WWP1: variants seen among roughly 807,000 people sequenced by gnomAD.
WWP1 encodes the protein WW domain containing E3 ubiquitin protein ligase 1, also known as NEDD4-like E3 ubiquitin-protein ligase WWP1.
Under a neutral mutation model 130.6 loss-of-function variants are expected in WWP1, and 49 were observed. The ratio of observed to expected loss-of-function variants is 0.38; its 90% CI spans 0.30 to 0.48. WWP1 has a LOEUF of 0.48. Among genes scored for constraint, WWP1 ranks in the 20% least tolerant of loss-of-function variants. The probability of loss-of-function intolerance (pLI) is 0.99; values close to 1 mark genes in which losing one functional copy is unlikely to be tolerated. For missense variants in WWP1, 809 were observed against 1,100.6 expected, an observed-to-expected ratio of 0.74 and a Z score of 3.75; for synonymous variants, 332 against 367.8, an observed-to-expected ratio of 0.90 and a Z score of 1.11.
At chr8:86,364,892 AT>A (rs1243998517) in intron 1 of WWP1, among the ~76,000 whole-genome samples, 1 of 152,110 alleles carries the variant, frequency 6.6e-6, no homozygotes, top group Non-Finnish European at 1.5e-5. Flanking sequence ...AAGAGAGAAA[AT>A]AAAGTAAAAT....
At chr8:86,452,436 T>G in intron 20 of WWP1, 123 bp from the exon 21 acceptor site, 33 of 793,492 alleles carry the variant, frequency 4.2e-5, no homozygotes, top group Non-Finnish European at 5.6e-5. Flanking sequence ...ACACATCACA[T>G]TTATATGTTT....
intron 18 of WWP1, among the ~76,000 whole-genome samples, chr8:86,447,436 T>G (rs1334116870): frequency 6.6e-6 from 1 of 152,124 alleles, no homozygotes; most frequent in African/African-American, 2.4e-5. Context: ...CCAGCTAATT[T>G]TTTGTATTTT....
At position 86,435,518 on chromosome 8, in the gene WWP1, T is replaced by A; in HGVS notation, c.1668T>A (p.Tyr556Ter). ...GFRWKLAHFR[Y>*]LCQSNALPSH... ...GGTGGAAGCTTGCTCACTTCCGTTA[T>A]TTGTGCCAGGTACTATAGTGGTAAA... Residue 556 changes from tyrosine (Y) to a stop codon, truncating the protein, a stop_gained, in exon 15 of 25, where the codon TAT becomes TAA. Transcript: ENST00000517970. LOFTEE classifies it high-confidence loss of function. The A allele has an allele frequency of 6.2e-7, 1 of 1,614,204 alleles. No homozygotes were observed. The highest frequency in any genetic ancestry group is 8.5e-7 in the Non-Finnish European group (1 of 1,180,036).
Position 86,439,342 on chromosome 8 carries a change from C to CAAAAAA in WWP1, c.1838+679_1838+684dup, listed in dbSNP as rs59635746. Among the ~76,000 whole-genome samples the CAAAAAA allele has an allele frequency of 4.7e-5, 6 of 127,056 alleles. 1 individual carries two copies. Among genetic ancestry groups the CAAAAAA allele is most frequent in the Admixed American group, 1.8e-4 (2 of 11,160 alleles). 83.4% of individuals were successfully genotyped at this position (127,056 alleles called of 152,430 possible). A position where few individuals can be genotyped will look rare whatever the true frequency, so the allele number is the denominator to read the frequency against. ...TGGGTGATGGAGCAAGACGCTGTGT[C>CAAAAAA]AAAAAAAAAAAAAAAGTTTTTAAAG... On this transcript the variant is annotated intron_variant, in intron 17 of 24. Transcript: ENST00000517970.
chr8:86,425,749 G>C (rs1194003854), intron 10 of WWP1, among the ~76,000 whole-genome samples: 1 of 152,176 alleles, frequency 6.6e-6, no homozygotes, highest in Admixed American at 6.5e-5. Context: ...AGATTGCCAT[G>C]AGTGAACTTA....
chr8:86,409,226 CTTTTTT>C (rs1230976832), intron 8 of WWP1, among the ~76,000 whole-genome samples: 2 of 100,522 alleles, frequency 2.0e-5, no homozygotes, highest in African/African-American at 7.7e-5. Flanking sequence ...CTTTTTCTTT[CTTTTTT>C]TTTTTTTTTT....
At chr8:86,389,647 C>T (rs1432110202) in intron 5 of WWP1, among the ~76,000 whole-genome samples, 1 of 152,244 alleles carries the variant, frequency 6.6e-6, no homozygotes, top group Non-Finnish European at 1.5e-5. Context: ...ATCATCATGG[C>T]CCGTTCTCAA....
chr8:86,400,762 G>A (rs560589651), intron 7 of WWP1, among the ~76,000 whole-genome samples: 8 of 152,232 alleles, frequency 5.3e-5, no homozygotes, highest in South Asian at 2.1e-4. Context: ...CAGTAAAATC[G>A]ATTATCTGCT....
chr8:86,358,286 G>A (rs1433406719), intron 1 of WWP1, among the ~76,000 whole-genome samples: 2 of 152,034 alleles, frequency 1.3e-5, no homozygotes, highest in Admixed American at 6.6e-5. Context: ...GGATGTAGGT[G>A]GGTATTGTCC....
chr8:86,377,697 CAT>C (rs1328598007), intron 3 of WWP1, among the ~76,000 whole-genome samples: 1 of 152,006 alleles, frequency 6.6e-6, no homozygotes, highest in Non-Finnish European at 1.5e-5. Context: ...AGGATAGTAG[CAT>C]ATAGAAGTGT....
At chr8:86,413,422 C>T (rs10095498) in intron 9 of WWP1, among the ~76,000 whole-genome samples, 111,468 of 152,036 alleles carry the variant, frequency 0.73, 41,751 homozygotes, top group African/African-American at 0.83. Flanking sequence ...AATCAGCCAG[C>T]ATACAGTACA....
chr8:86,420,480 G>A (rs1809140553), intron 9 of WWP1, among the ~76,000 whole-genome samples: 1 of 152,168 alleles, frequency 6.6e-6, no homozygotes, highest in Non-Finnish European at 1.5e-5. Flanking sequence ...CAACATATGT[G>A]TATATTTGGA....
At chr8:86,373,991 T>G in intron 2 of WWP1, 39 bp from the exon 3 acceptor site, 3 of 1,472,410 alleles carry the variant, frequency 2.0e-6, no homozygotes, top group Non-Finnish European at 2.8e-6. Context: ...TTACAAACTC[T>G]TATCTAACAC....
chr8:86,381,481 T>C (rs1297522900), intron 4 of WWP1, 24 bp from the exon 5 acceptor site: 3 of 1,598,842 alleles, frequency 1.9e-6, no homozygotes, highest in African/African-American at 1.4e-5. Flanking sequence ...TCCTGTATTT[T>C]TGTTAATAAT....
intron 21 of WWP1, among the ~76,000 whole-genome samples, chr8:86,454,672 T>C (rs1811344332): frequency 6.6e-6 from 1 of 152,096 alleles, no homozygotes; most frequent in Admixed American, 6.6e-5. Context: ...GAGAGGGATG[T>C]TATAGTGGGA....
At chr8:86,382,637 T>C (rs1000764580) in intron 5 of WWP1, among the ~76,000 whole-genome samples, 1 of 152,148 alleles carries the variant, frequency 6.6e-6, no homozygotes, top group Non-Finnish European at 1.5e-5. Flanking sequence ...AGGTGGAGGT[T>C]GCAGTGAGCC....
chr8:86,428,271 T>A (rs1809743818), intron 11 of WWP1, among the ~76,000 whole-genome samples: 1 of 152,202 alleles, frequency 6.6e-6, no homozygotes. Flanking sequence ...CCATCAAAGA[T>A]ATTTCTAGAA....
chr8:86,434,049 T>C (rs949030504), intron 14 of WWP1, among the ~76,000 whole-genome samples: 1 of 152,136 alleles, frequency 6.6e-6, no homozygotes, highest in African/African-American at 2.4e-5. Context: ...ACCACCCCCA[T>C]TGCCACCATT....
At chr8:86,454,431 G>A (rs1019355206) in intron 21 of WWP1, among the ~76,000 whole-genome samples, 2 of 152,020 alleles carry the variant, frequency 1.3e-5, no homozygotes, top group African/African-American at 2.4e-5. Flanking sequence ...GACTGACATA[G>A]ACTGTCACTA....
Sources: gnomAD v4.1 joint callset for allele counts (sites outside exome capture counted in the v4.1 genomes callset) on GRCh38, gnomAD v4.1.1 for gene constraint, MANE v1.5 for transcripts, NCBI Gene and HGNC (gene_info 2026-07-23, HGNC 2026-07-21) for gene names.